Variants in SLC12A5 observed in about 807,000 individuals in gnomAD.
The protein encoded by SLC12A5 is K-Cl cotransporter 2.
Under a neutral mutation model 124.0 loss-of-function variants are expected in SLC12A5, and 18 were observed. The observed-to-expected ratio is 0.15, with a 90% CI of 0.10 to 0.22. SLC12A5 has a LOEUF of 0.22. Ranked by LOEUF, SLC12A5 falls within the 10% of genes least tolerant of loss-of-function variation. SLC12A5 has a pLI of 1.00. For missense variants in SLC12A5, 867 were observed against 1,478.7 expected, an observed-to-expected ratio of 0.59 and a Z score of 6.78; for synonymous variants, 589 against 568.0, an observed-to-expected ratio of 1.04 and a Z score of -0.53.
chr20:46,022,965 GGAGGAGGAGGAA>G (rs1485774969), exon 2 of SLC12A5: 16 of 399,296 alleles, frequency 4.0e-5, no homozygotes, highest in South Asian at 1.3e-4. Context: ...AGGAGGAGGA[GGAGGAGGAGGAA>G]GAGGAGGAGG....
At chr20:46,040,979 C>T in intron 7 of SLC12A5, 1 of 394,524 alleles carries the variant, frequency 2.5e-6, no homozygotes. Flanking sequence ...GACAACTCCT[C>T]CAGGATGGGA....
At chr20:46,032,313 G>C (rs2084460911) in intron 1 of SLC12A5, among the ~76,000 whole-genome samples, 1 of 152,208 alleles carries the variant, frequency 6.6e-6, no homozygotes, top group Non-Finnish European at 1.5e-5. Context: ...GGAGGCGCTT[G>C]GGAGGGGGTG....
At chr20:46,043,031 G>C in intron 8 of SLC12A5, 122 bp from the exon 9 acceptor site, 2 of 950,516 alleles carry the variant, frequency 2.1e-6, no homozygotes, top group South Asian at 3.1e-5. Context: ...ATAGAGATAA[G>C]GCCGGGGAGA....
chr20:46,059,136 G>C lies in SLC12A5; in HGVS notation c.*1531G>C, dbSNP rs140100514. 8.7e-3 allele frequency: 1,881 copies of C among 215,496 alleles called. 83 individuals carry two copies. The highest frequency in any genetic ancestry group is 0.081 in the Admixed American group (1,388 of 17,046). The allele number at this position is 215,496 out of a possible 1,614,324, so 13.3% of individuals were successfully genotyped here. On this transcript the variant is annotated 3_prime_UTR_variant, in exon 26 of 26. Coordinates refer to ENST00000243964, the MANE Select transcript of SLC12A5 (RefSeq NM_020708.5). ...CACATTACTAAGGGGGTCAGGCACT[G>C]CATGCTCGTTCCAGCACCATCTGGG...
At chr20:46,029,486 C>T in intron 1 of SLC12A5, 90 bp downstream of exon 1, 1 of 1,379,010 alleles carries the variant, frequency 7.3e-7, no homozygotes, top group East Asian at 2.5e-5. Flanking sequence ...CCACCTCCTT[C>T]AGAGAGGAGG....
chr20:46,021,924 C>A (rs970669846), intron 1 of SLC12A5: 4 of 1,465,766 alleles, frequency 2.7e-6, no homozygotes, highest in Middle Eastern at 2.4e-4. Context: ...CAGGGCCGGG[C>A]GGGACGAGGG....
intron 14 of SLC12A5, among the ~76,000 whole-genome samples, 180 bp downstream of exon 14, chr20:46,046,616 A>T (rs544937964): frequency 2.0e-5 from 3 of 152,320 alleles, no homozygotes; most frequent in African/African-American, 2.4e-5. Context: ...GTCTCCTAAC[A>T]ATCATAAATA....
intron 2 of SLC12A5, 106 bp from the exon 3 acceptor site, chr20:46,035,298 T>C: frequency 7.1e-7 from 1 of 1,415,098 alleles, no homozygotes; most frequent in Non-Finnish European, 9.7e-7. Flanking sequence ...CATCCCAACC[T>C]GAATAGTTTC....
intron 17 of SLC12A5, among the ~76,000 whole-genome samples, chr20:46,051,393 A>G (rs1162379436): frequency 6.6e-6 from 1 of 152,004 alleles, no homozygotes; most frequent in East Asian, 1.9e-4. Context: ...TGTCAGGGTG[A>G]TGGTGGAGAG....
intron 2 of SLC12A5, 68 bp from the exon 3 acceptor site, chr20:46,035,336 G>A (rs2084487536): frequency 6.4e-7 from 1 of 1,560,956 alleles, no homozygotes. Context: ...CTCTTCCTCT[G>A]CCCTTCGCCA....
intron 8 of SLC12A5, among the ~76,000 whole-genome samples, chr20:46,041,930 G>GGA (rs1015141967): frequency 2.6e-5 from 4 of 152,018 alleles, no homozygotes; most frequent in Non-Finnish European, 5.9e-5. Context: ...AATGCCCGGG[G>GGA]GGGGAGAGTT....
chr20:46,056,727 A>G lies in SLC12A5; in HGVS notation c.3110+163A>G, dbSNP rs371090625. On this transcript the variant is annotated intron_variant, in intron 23 of 25. Transcript: ENST00000243964. The surrounding 1 kb of genome is among the most constrained non-coding windows in gnomAD (Gnocchi z 4.3). ...CTGAGGACTTAGGGGGTTGGGCCCCATTGCTAAGTCTCAGAATTCCCAGTT... is the reference window on the plus strand; with the variant it reads ...CTGAGGACTTAGGGGGTTGGGCCCCGTTGCTAAGTCTCAGAATTCCCAGTT... Among the ~76,000 whole-genome samples the G allele has an allele frequency of 1.3e-5, 2 of 152,170 alleles. No homozygotes were observed. The highest frequency in any genetic ancestry group is 3.9e-4 in the East Asian group (2 of 5,190).
rs376504150 is a variant in SLC12A5, at chr20:46,030,279, G to T, written c.52+883G>T. On this transcript the variant is annotated intron_variant, in intron 1 of 25. Coordinates refer to ENST00000243964, the MANE Select transcript of SLC12A5 (RefSeq NM_020708.5). Reference sequence around the variant, plus strand: ...TTCCCCAGTGAGGCCTCAGAAATGGGGTCCCAGTGGCTGATTCCTCAGCGC... The same window carrying T: ...TTCCCCAGTGAGGCCTCAGAAATGGTGTCCCAGTGGCTGATTCCTCAGCGC... 1.2e-4 allele frequency among the ~76,000 whole-genome samples: 19 copies of T among 152,178 alleles called. No homozygotes were observed. In the East Asian group the frequency reaches 1.5e-3, roughly 12 times the overall value.
At chr20:46,055,843 G>C (rs1366898674) in intron 21 of SLC12A5, 1 of 340,920 alleles carries the variant, frequency 2.9e-6, no homozygotes, top group Non-Finnish European at 5.4e-6. Flanking sequence ...AGTAAAAATG[G>C]TAAAACATGG....
chr20:46,039,642 G>A (rs2084528031), intron 6 of SLC12A5, among the ~76,000 whole-genome samples: 1 of 152,112 alleles, frequency 6.6e-6, no homozygotes, highest in African/African-American at 2.4e-5. Context: ...AGGGGTGGTG[G>A]TGGGCACCTC....
At chr20:46,035,598 G>A (rs536566226) in intron 3 of SLC12A5, 63 bp downstream of exon 3, 8 of 1,525,200 alleles carry the variant, frequency 5.2e-6, no homozygotes, top group East Asian at 2.3e-5. Flanking sequence ...GGGAGGATGG[G>A]GGAGGAAAAT....
At chr20:46,047,902 G>T (rs1431914471) in intron 15 of SLC12A5, 79 bp from the exon 16 acceptor site, 1 of 1,332,416 alleles carries the variant, frequency 7.5e-7, no homozygotes, top group Non-Finnish European at 1.0e-6. Flanking sequence ...CTGCCCTGGG[G>T]TAGCTGGTGC....
At chr20:46,047,599 G>A (rs961533945) in intron 15 of SLC12A5, 26 bp downstream of exon 15, 6 of 1,608,574 alleles carry the variant, frequency 3.7e-6, no homozygotes, top group African/African-American at 1.3e-5. Flanking sequence ...GGAGGTTGGG[G>A]TGGCTGGGGA....
chr20:46,037,537 T>G (rs2084509538), intron 6 of SLC12A5, 152 bp downstream of exon 6: 1 of 877,112 alleles, frequency 1.1e-6, no homozygotes, highest in Admixed American at 3.5e-5. Context: ...TTCTAAAGAG[T>G]TCACAGTCTA....
Sources: allele counts gnomAD v4.1 joint callset (sites outside exome capture counted in the v4.1 genomes callset), GRCh38; gene constraint gnomAD v4.1.1; non-coding constraint Gnocchi (gnomAD v3.1); transcripts MANE v1.5; gene names NCBI Gene and HGNC (gene_info 2026-07-23, HGNC 2026-07-21).